The following SPARCL1 variants were observed in gnomAD, a reference collection of about 807,000 sequenced individuals.
SPARCL1 encodes the protein SPARC-like protein 1.
In SPARCL1, 52 loss-of-function variants were observed where a neutral mutation model predicts 67.1. The ratio of observed to expected loss-of-function variants is 0.78; its 90% CI spans 0.62 to 0.98. The LOEUF is 0.98. Ranked by LOEUF, SPARCL1 falls within the 50% of genes least tolerant of loss-of-function variation. The pLI is 0.00. For synonymous variants in SPARCL1, 226 were observed against 267.8 expected (o/e 0.84, Z 1.52); for missense variants, 717 against 782.4 (o/e 0.92, Z 1.00).
In SPARCL1 at chr4:87,494,101, C is replaced by T. The variant is rs1192800480; in HGVS notation, c.699G>A (p.Gln233=). 1 of 1,613,938 alleles carries T rather than the reference C, an allele frequency of 6.2e-7. No homozygotes were observed. Among genetic ancestry groups the T allele is most frequent in the Non-Finnish European group, 8.5e-7 (1 of 1,180,028 alleles). The part of the protein sequence containing the change: ...ELPREHANSK[Q]EEDNTQSDDI... ...CATCAGATTGGGTATTGTCTTCCTC[C>T]TGCTTGCTGTTAGCATGCTCCCTGG... The change falls in exon 4 of 11, where the codon CAG becomes CAA. Residue 233 remains glutamine, a synonymous_variant. Transcript: ENST00000282470.
In SPARCL1 at chr4:87,480,534, G is replaced by A; in HGVS notation, c.1669-14C>T. The A allele has an allele frequency of 1.3e-6, 2 of 1,599,810 alleles. No homozygotes were observed. The highest frequency in any genetic ancestry group is 1.7e-6 in the Non-Finnish European group (2 of 1,174,862). The stretch of plus-strand genomic sequence containing the variant: ...AATTTTCTTGACCTGGGATTAGGAA[G>A]GCAGAAGACTGTCAGAGAATCAGAC... On this transcript the variant is annotated splice_polypyrimidine_tract_variant and intron_variant, in intron 8 of 10. Coordinates refer to ENST00000282470, the MANE Select transcript of SPARCL1 (RefSeq NM_004684.6).
Position 87,494,577 on chromosome 4 carries a change from T to C in SPARCL1, c.223A>G (p.Lys75Glu), listed in dbSNP as rs1428016627. 5.0e-6 allele frequency: 8 copies of C among 1,588,564 alleles called. No homozygotes were observed. Among genetic ancestry groups the C allele is most frequent in the Non-Finnish European group, 6.0e-6 (7 of 1,171,052 alleles). ...HHKAEKSSVL[K>E]SKEESHEQSA... ...TGTTCATGGCTTTCCTCTTTTGACT[T>C]TAGTACTGATGATTTTTCAGCCTTA... The change falls in exon 4 of 11, where the codon AAG becomes GAG. Residue 75 changes from lysine (K) to glutamate (E), a missense_variant. Coordinates refer to ENST00000282470, the MANE Select transcript of SPARCL1 (RefSeq NM_004684.6).
chr4:87,519,167 T>G (rs1269240507), intron 1 of SPARCL1, among the ~76,000 whole-genome samples: 2 of 151,320 alleles, frequency 1.3e-5, no homozygotes, highest in Non-Finnish European at 2.9e-5. Context: ...GCCTCCCGGG[T>G]TCAAGCAATT....
At position 87,475,039 on chromosome 4, in the gene SPARCL1, G is replaced by T. The variant is rs74440830; in HGVS notation, c.1967-1236C>A. On this transcript the variant is annotated intron_variant, in intron 10 of 10. Transcript: ENST00000282470. ...TTACAGGCGTGAGCCACCGCGCCTG[G>T]CCTGTAAAGATTTCTTGAGCAAATG... 8.2e-3 allele frequency among the ~76,000 whole-genome samples: 1,249 copies of T among 152,324 alleles called. 16 individuals are homozygous for T. Among genetic ancestry groups the T allele is most frequent in the African/African-American group, 0.029 (1,188 of 41,562 alleles).
chr4:87,494,968 A>T lies in SPARCL1; in HGVS notation c.201+13T>A, dbSNP rs528595947. On this transcript the variant is annotated intron_variant, in intron 3 of 10. Transcript: ENST00000282470. Reference sequence around the variant, plus strand: ...TTAAAAAATTGTATTAATATAAATGATGTTACTTTTACCTTATGGTGGGAA... The same window carrying T: ...TTAAAAAATTGTATTAATATAAATGTTGTTACTTTTACCTTATGGTGGGAA... 6.3e-7 allele frequency: 1 copy of T among 1,585,636 alleles called. No individual in the cohort carries two copies. The highest frequency in any genetic ancestry group is 1.4e-5 in the African/African-American group (1 of 72,986).
At chr4:87,487,585 C>T (rs1044804425) in intron 7 of SPARCL1, among the ~76,000 whole-genome samples, 5 of 152,094 alleles carry the variant, frequency 3.3e-5, no homozygotes, top group South Asian at 2.1e-4. Flanking sequence ...AGTTGCTCTT[C>T]GTGAGGATTA....
At chr4:87,504,185 T>TGGGGGGGGGGGGGGG (rs1553970330) in intron 1 of SPARCL1, among the ~76,000 whole-genome samples, 1 of 19,064 alleles carries the variant, frequency 5.2e-5, no homozygotes, top group Non-Finnish European at 8.6e-5. Flanking sequence ...GTGTGTGTGG[T>TGGGGGGGGGGGGGGG]GGGGTGGGGG....
chr4:87,498,416 T>C (rs1209618770), intron 2 of SPARCL1, among the ~76,000 whole-genome samples: 1 of 152,168 alleles, frequency 6.6e-6, no homozygotes, highest in Non-Finnish European at 1.5e-5. Flanking sequence ...GATTGAGAAA[T>C]TGTTTTGTCT....
chr4:87,494,122 C>A lies in SPARCL1; in HGVS notation c.678G>T (p.Arg226Ser), dbSNP rs150324828. 6.2e-7 allele frequency: 1 copy of A among 1,613,706 alleles called. No homozygotes were observed. The highest frequency in any genetic ancestry group is 8.5e-7 in the Non-Finnish European group (1 of 1,180,012). ...DNQERKTELPREHANSKQEED... is the reference protein window; with the variant it reads ...DNQERKTELPSEHANSKQEED... ...CCTCCTGCTTGCTGTTAGCATGCTCCCTGGGCAATTCTGTCTTTCTTTCTT... is the reference window on the plus strand; with the variant it reads ...CCTCCTGCTTGCTGTTAGCATGCTCACTGGGCAATTCTGTCTTTCTTTCTT... The change falls in exon 4 of 11, where the codon AGG (arginine) becomes AGT (serine). Residue 226 changes from arginine to serine, a missense_variant. Arg to Ser is a moderately radical substitution (Grantham distance 110). Coordinates refer to ENST00000282470, the MANE Select transcript of SPARCL1 (RefSeq NM_004684.6).
intron 1 of SPARCL1, among the ~76,000 whole-genome samples, chr4:87,513,220 C>A (rs1725445516): frequency 6.6e-6 from 1 of 152,154 alleles, no homozygotes; most frequent in South Asian, 2.1e-4. Context: ...TATATACTGT[C>A]TCATTTGATT....
chr4:87,477,134 C>T (rs142589066), intron 10 of SPARCL1, among the ~76,000 whole-genome samples: 7 of 152,326 alleles, frequency 4.6e-5, no homozygotes, highest in African/African-American at 1.4e-4. Context: ...AACCGCCCAG[C>T]GGAGCCTGGG....
chr4:87,516,635 T>C (rs150072867), intron 1 of SPARCL1, among the ~76,000 whole-genome samples: 222 of 152,184 alleles, frequency 1.5e-3, no homozygotes, highest in African/African-American at 5.3e-3. Flanking sequence ...ACCATCCCTC[T>C]TTGCCACTGT....
At chr4:87,483,608 G>T (rs558625496) in intron 7 of SPARCL1, among the ~76,000 whole-genome samples, 1 of 152,290 alleles carries the variant, frequency 6.6e-6, no homozygotes, top group Non-Finnish European at 1.5e-5. Context: ...ACCCAGTAAT[G>T]GGATTGCTGT....
At chr4:87,519,583 A>G (rs1451454362) in intron 1 of SPARCL1, among the ~76,000 whole-genome samples, 1 of 152,132 alleles carries the variant, frequency 6.6e-6, no homozygotes, top group East Asian at 1.9e-4. Flanking sequence ...CTAATCTTCA[A>G]CTAAGAACCT....
intron 1 of SPARCL1, among the ~76,000 whole-genome samples, chr4:87,515,499 A>G (rs1446638449): frequency 6.6e-6 from 1 of 152,168 alleles, no homozygotes; most frequent in Admixed American, 6.5e-5. Flanking sequence ...TAGAGTCCTT[A>G]GGTTATTTCT....
At chr4:87,505,466 C>T (rs1294908505) in intron 1 of SPARCL1, among the ~76,000 whole-genome samples, 1 of 152,058 alleles carries the variant, frequency 6.6e-6, no homozygotes, top group Admixed American at 6.5e-5. Context: ...CTTTCCTCTA[C>T]ATTTTAAATT....
At chr4:87,528,611 ATAACTT>A (rs1286181830) in intron 1 of SPARCL1, 1 of 152,214 alleles carries the variant, frequency 6.6e-6, no homozygotes, top group African/African-American at 2.4e-5. Context: ...AGGAGATTGA[ATAACTT>A]TAGATAATTT....
At chr4:87,480,078 G>C (rs936113572) in intron 9 of SPARCL1, among the ~76,000 whole-genome samples, 1 of 151,640 alleles carries the variant, frequency 6.6e-6, no homozygotes, top group Non-Finnish European at 1.5e-5. Context: ...TTGTGATAAG[G>C]GGACTTCAAA....
At chr4:87,495,890 C>T (rs912549577) in intron 2 of SPARCL1, among the ~76,000 whole-genome samples, 1 of 152,164 alleles carries the variant, frequency 6.6e-6, no homozygotes, top group Non-Finnish European at 1.5e-5. Context: ...GAGATTGTGC[C>T]ATTGCACTCC....
Sources: allele counts gnomAD v4.1 joint callset (sites outside exome capture counted in the v4.1 genomes callset), GRCh38; gene constraint gnomAD v4.1.1; transcripts MANE v1.5; gene names NCBI Gene and HGNC (gene_info 2026-07-23, HGNC 2026-07-21).